Variants in PDE4D observed in about 807,000 individuals in gnomAD.
PDE4D encodes 3',5'-cyclic-AMP phosphodiesterase 4D.
PDE4D carries 24 observed loss-of-function variants against 87.4 expected under a neutral mutation model. The observed-to-expected ratio is 0.27, with a 90% CI of 0.20 to 0.39. The LOEUF is 0.39. PDE4D is among the 10% of genes least tolerant of loss of function. The pLI, the probability that PDE4D is intolerant of heterozygous loss-of-function variation, is 1.00. For synonymous variants in PDE4D, 384 were observed against 383.2 expected (o/e 1.00, Z -0.02); for missense variants, 714 against 1,041.0 (o/e 0.69, Z 4.32).
chr5:60,146,205 C>T lies in PDE4D; in HGVS notation c.42+39352G>A, dbSNP rs112057501. On this transcript the variant is annotated intron_variant, in intron 2 of 16. Transcript: ENST00000502484. The stretch of plus-strand genomic sequence containing the variant: ...CTCCAGCCTGGGCAACAAAGTGAGA[C>T]TCCATCTCAAAAACAAAACAAACAA... Among the ~76,000 whole-genome samples, 1,183 of 152,280 alleles carry T rather than the reference C, an allele frequency of 7.8e-3. 12 individuals are homozygous for T. The highest frequency in any genetic ancestry group is 0.027 in the African/African-American group (1,126 of 41,546).
At chr5:59,208,933 C>T (rs982186142) in intron 2 of PDE4D, among the ~76,000 whole-genome samples, 7 of 152,006 alleles carry the variant, frequency 4.6e-5, no homozygotes, top group South Asian at 2.1e-4. Context: ...ATCAACACTC[C>T]GAATAATACT....
intron 1 of PDE4D, among the ~76,000 whole-genome samples, chr5:59,791,677 T>C (rs1765808227): frequency 6.6e-6 from 1 of 152,048 alleles, no homozygotes; most frequent in East Asian, 1.9e-4. Context: ...CCTGTAAGGG[T>C]TAAAAATAAA....
chr5:59,869,546 T>C (rs574614803), intron 1 of PDE4D, among the ~76,000 whole-genome samples: 1 of 152,266 alleles, frequency 6.6e-6, no homozygotes, highest in African/African-American at 2.4e-5. Flanking sequence ...AACAGGGAGC[T>C]GTTGAAAGGT....
intron 1 of PDE4D, among the ~76,000 whole-genome samples, chr5:60,236,469 T>A (rs1746441743): frequency 6.6e-6 from 1 of 151,910 alleles, no homozygotes; most frequent in Non-Finnish European, 1.5e-5. Flanking sequence ...GACATATGGA[T>A]GGCAAATAAG....
At chr5:60,285,180 G>T (rs370258321) in intron 1 of PDE4D, among the ~76,000 whole-genome samples, 2 of 151,868 alleles carry the variant, frequency 1.3e-5, no homozygotes, top group East Asian at 3.9e-4. Flanking sequence ...TGTTACATCA[G>T]TCTACATAAT....
chr5:59,402,077 A>G (rs1790742464), intron 1 of PDE4D, among the ~76,000 whole-genome samples: 1 of 152,184 alleles, frequency 6.6e-6, no homozygotes, highest in Non-Finnish European at 1.5e-5. Flanking sequence ...GAGAGACAAG[A>G]TTCTCCAGGC....
At chr5:60,169,345 C>T (rs1305973518) in intron 2 of PDE4D, among the ~76,000 whole-genome samples, 1 of 151,994 alleles carries the variant, frequency 6.6e-6, no homozygotes, top group African/African-American at 2.4e-5. Context: ...AAAGATGTAC[C>T]TCCACTGTTT....
At chr5:59,167,833 C>T (rs533036918) in intron 5 of PDE4D, among the ~76,000 whole-genome samples, 1 of 152,184 alleles carries the variant, frequency 6.6e-6, no homozygotes, top group Non-Finnish European at 1.5e-5. Flanking sequence ...TTTATTCATC[C>T]TTGGGTCCTT....
At chr5:59,086,370 C>G (rs1767683103) in intron 5 of PDE4D, among the ~76,000 whole-genome samples, 1 of 152,180 alleles carries the variant, frequency 6.6e-6, no homozygotes, top group Non-Finnish European at 1.5e-5. Flanking sequence ...AATACCTTCT[C>G]CATCAAATTT....
intron 5 of PDE4D, among the ~76,000 whole-genome samples, chr5:59,057,375 A>G (rs1434152834): frequency 6.6e-6 from 1 of 152,204 alleles, no homozygotes; most frequent in Admixed American, 6.5e-5. Flanking sequence ...CTTGTTTTCT[A>G]ATTTATAAAA....
intron 1 of PDE4D, among the ~76,000 whole-genome samples, chr5:59,574,976 ATATT>A (rs1822885187): frequency 2.0e-5 from 3 of 152,202 alleles, no homozygotes; most frequent in Admixed American, 2.0e-4. Flanking sequence ...AAGAATTGAT[ATATT>A]TAAAAACTCA....
At chr5:60,182,575 T>G (rs1274946572) in intron 2 of PDE4D, among the ~76,000 whole-genome samples, 1 of 152,134 alleles carries the variant, frequency 6.6e-6, no homozygotes, top group African/African-American at 2.4e-5. Flanking sequence ...GAGGTTGCAG[T>G]GAGCTGAGAT....
At chr5:59,363,150 G>A (rs1330756306) in intron 1 of PDE4D, among the ~76,000 whole-genome samples, 1 of 152,120 alleles carries the variant, frequency 6.6e-6, no homozygotes, top group Non-Finnish European at 1.5e-5. Flanking sequence ...ACCTTGCTGA[G>A]TTATAATGTC....
chr5:60,153,403 C>T (rs1273395263), intron 2 of PDE4D, among the ~76,000 whole-genome samples: 1 of 152,120 alleles, frequency 6.6e-6, no homozygotes, highest in African/African-American at 2.4e-5. Context: ...GGAAAGAGAA[C>T]ACTTGTACAC....
intron 2 of PDE4D, among the ~76,000 whole-genome samples, chr5:60,045,440 G>A (rs1769099279): frequency 6.6e-6 from 1 of 152,200 alleles, no homozygotes; most frequent in South Asian, 2.1e-4. Flanking sequence ...CCTTGCCCAT[G>A]CCTATGTCCT....
chr5:59,036,428 C>G (rs1405308727), intron 6 of PDE4D, among the ~76,000 whole-genome samples: 2 of 152,186 alleles, frequency 1.3e-5, no homozygotes, highest in Non-Finnish European at 2.9e-5. Flanking sequence ...GTTTCTGACT[C>G]ATTCATTCAT....
chr5:59,107,397 C>T (rs1254223866), intron 5 of PDE4D, among the ~76,000 whole-genome samples: 3 of 152,018 alleles, frequency 2.0e-5, no homozygotes, highest in East Asian at 1.9e-4. Flanking sequence ...TTAGTAGAGA[C>T]GGGGTTTCAT....
intron 1 of PDE4D, among the ~76,000 whole-genome samples, chr5:59,410,398 C>CA (rs1792448479): frequency 6.6e-6 from 1 of 152,108 alleles, no homozygotes; most frequent in South Asian, 2.1e-4. Context: ...AGGCATGCAC[C>CA]ACCATGACTG....
intron 2 of PDE4D, among the ~76,000 whole-genome samples, chr5:60,107,616 A>G (rs1311916111): frequency 6.6e-6 from 1 of 152,226 alleles, no homozygotes; most frequent in Non-Finnish European, 1.5e-5. Flanking sequence ...TCAATAAAAT[A>G]CTGGCAAACT....
Sources: gnomAD v4.1 joint callset for allele counts (sites outside exome capture counted in the v4.1 genomes callset) on GRCh38, gnomAD v4.1.1 for gene constraint, MANE v1.5 for transcripts, NCBI Gene and HGNC (gene_info 2026-07-23, HGNC 2026-07-21) for gene names.